ARHGAP6: variants seen among roughly 807,000 people sequenced by gnomAD.
ARHGAP6 encodes the protein rho GTPase-activating protein 6.
Under a neutral mutation model 55.7 loss-of-function variants are expected in ARHGAP6, and 16 were observed. The observed-to-expected ratio is 0.29, with a 90% CI of 0.19 to 0.44. The LOEUF (loss-of-function observed/expected upper bound fraction) is 0.44. Among genes scored for constraint, ARHGAP6 ranks in the 20% least tolerant of loss-of-function variants. The pLI is 1.00. For missense variants in ARHGAP6, 698 were observed against 808.9 expected (o/e 0.86, Z 1.66); for synonymous variants, 382 against 360.9 (o/e 1.06, Z -0.66).
intron 8 of ARHGAP6, among the ~76,000 whole-genome samples, chrX:11,174,684 TTTCA>T (rs1180347308): frequency 2.3e-3 from 149 of 63,836 alleles, no homozygotes; most frequent in African/African-American, 7.0e-3. Context: ...TCTTTCTTTC[TTTCA>T]TTCATTTATT....
At chrX:11,425,093 C>A (rs2049865042) in intron 1 of ARHGAP6, among the ~76,000 whole-genome samples, 1 of 111,959 alleles carries the variant, frequency 8.9e-6, no homozygotes, top group Non-Finnish European at 1.9e-5. Flanking sequence ...AGCCACTGAC[C>A]TCTTATATGC....
At chrX:11,297,966 T>C in intron 1 of ARHGAP6, 1 of 636,405 alleles carries the variant, frequency 1.6e-6, no homozygotes, top group Admixed American at 2.4e-5. Context: ...CCCATAACCT[T>C]ATCTAAAAAG....
chrX:11,335,453 T>C (rs112111950), intron 1 of ARHGAP6, among the ~76,000 whole-genome samples: 5,580 of 111,146 alleles, frequency 0.05, 143 homozygotes, highest in Middle Eastern at 0.097. Flanking sequence ...CTCCCACTTA[T>C]GAGTGAGAAC....
Position 11,179,322 on chromosome X carries a change from G to A in ARHGAP6, c.1460C>T (p.Thr487Ile), listed in dbSNP as rs763421292. Residue 487 changes from threonine to isoleucine, a missense_variant, in exon 7 of 13, where the codon ACA becomes ATA. By Grantham distance (89) the Thr-to-Ile change is moderately conservative. Around this residue, in one of 3 missense-constraint regions of ARHGAP6, gnomAD observed 322 missense variants for 451.1 expected, o/e 0.71. Transcript: ENST00000337414. ...CGCACAGAGAGTGTTGATGAAAGCT[G>A]TGTACAGCTCCCTGGTGAGAAGGGG... ...PDPLLTRELY[T>I]AFINTLLLEP... 8.3e-7 allele frequency: 1 copy of A among 1,207,217 alleles called. No individual in the cohort carries two copies. Among genetic ancestry groups the A allele is most frequent in the South Asian group, 1.8e-5 (1 of 55,669 alleles).
chrX:11,496,015 A>G (rs897825401), intron 1 of ARHGAP6, among the ~76,000 whole-genome samples: 3 of 112,138 alleles, frequency 2.7e-5, no homozygotes, highest in Non-Finnish European at 5.6e-5. Flanking sequence ...AACTAGGGTA[A>G]GCTGGTAAAT....
intron 1 of ARHGAP6, among the ~76,000 whole-genome samples, chrX:11,500,663 CAAA>C (rs995574477): frequency 1.5e-4 from 5 of 33,609 alleles, no homozygotes; most frequent in African/African-American, 4.4e-4. Flanking sequence ...CAGACTCTGT[CAAA>C]AAAAAAAAAA....
rs1298739303 is a variant in ARHGAP6 at position 11,593,279 on chromosome X, C to T, written c.588+70962G>A. Among the ~76,000 whole-genome samples the T allele has an allele frequency of 5.4e-5, 6 of 111,531 alleles. No individual in the cohort carries two copies. In the East Asian group the frequency reaches 1.7e-3, roughly 31 times the overall value. On this transcript the variant is annotated intron_variant, in intron 1 of 12. Coordinates refer to ENST00000337414, the MANE Select transcript of ARHGAP6 (RefSeq NM_013427.3). ...AAGGAGAAATACGACCTTTGGCTCT[C>T]GTAGAGTGGCCTGCACAATTATCTG...
chrX:11,193,867 A>G, intron 3 of ARHGAP6, among the ~76,000 whole-genome samples: 1 of 113,004 alleles, frequency 8.8e-6, no homozygotes, highest in African/African-American at 3.2e-5. Flanking sequence ...AAGCAAACAT[A>G]CATCTCCTTC....
At chrX:11,514,515 AAC>A (rs2050817136) in intron 1 of ARHGAP6, among the ~76,000 whole-genome samples, 1 of 109,622 alleles carries the variant, frequency 9.1e-6, no homozygotes, top group African/African-American at 3.3e-5. Context: ...CACCGTTCCC[AAC>A]ACCCTGCCAG....
At chrX:11,205,023 G>A (rs959709499) in intron 2 of ARHGAP6, among the ~76,000 whole-genome samples, 7 of 110,630 alleles carry the variant, frequency 6.3e-5, no homozygotes, top group East Asian at 2.9e-4. Context: ...GGTATAATAC[G>A]TTGAATGTCC....
chrX:11,572,266 C>G (rs1012871859), intron 1 of ARHGAP6, among the ~76,000 whole-genome samples: 4 of 109,683 alleles, frequency 3.6e-5, no homozygotes, highest in African/African-American at 1.3e-4. Flanking sequence ...TATACATGTG[C>G]CACGCTGGTG....
intron 1 of ARHGAP6, among the ~76,000 whole-genome samples, chrX:11,500,272 A>T (rs1314389682): frequency 9.0e-6 from 1 of 111,077 alleles, no homozygotes. Context: ...CTCCTTATTG[A>T]CTTGCCTACT....
At chrX:11,557,484 A>C (rs1408980761) in intron 1 of ARHGAP6, among the ~76,000 whole-genome samples, 1 of 59,209 alleles carries the variant, frequency 1.7e-5, no homozygotes, top group Non-Finnish European at 3.4e-5. Context: ...TCTGAAAGGC[A>C]AAAAAAAAAA....
At chrX:11,590,460 A>C (rs992072407) in intron 1 of ARHGAP6, among the ~76,000 whole-genome samples, 1 of 51,030 alleles carries the variant, frequency 2.0e-5, no homozygotes, top group African/African-American at 1.2e-4. Flanking sequence ...TTATTAAACA[A>C]AAAAAAAATG....
Position 11,624,279 on chromosome X carries a change from A to C in ARHGAP6, c.588+39962T>G, listed in dbSNP as rs752708157. Among the ~76,000 whole-genome samples, 17 of 112,857 alleles carry C rather than the reference A, an allele frequency of 1.5e-4. No individual in the cohort carries two copies. The South Asian group carries it at 3.3e-3, about 22-fold the overall frequency. ...CCGAAAGTATGAAACTACTAGAAGA[A>C]AACAACAGGGCAAATGCTTCAGGAC... On this transcript the variant is annotated intron_variant, in intron 1 of 12. Coordinates refer to ENST00000337414, the MANE Select transcript of ARHGAP6 (RefSeq NM_013427.3).
chrX:11,328,963 CA>C (rs778235175), intron 1 of ARHGAP6, among the ~76,000 whole-genome samples: 1 of 111,519 alleles, frequency 9.0e-6, no homozygotes. Context: ...CCCAGAGTTA[CA>C]AAAAAATCTA....
intron 1 of ARHGAP6, among the ~76,000 whole-genome samples, chrX:11,312,948 T>C (rs186322207): frequency 1.2e-4 from 13 of 112,186 alleles, no homozygotes; most frequent in African/African-American, 4.2e-4. Context: ...AACCTAGCCA[T>C]CTGCTCTTGT....
At chrX:11,471,701 C>G (rs1257883577) in intron 1 of ARHGAP6, among the ~76,000 whole-genome samples, 1 of 111,736 alleles carries the variant, frequency 8.9e-6, no homozygotes, top group Non-Finnish European at 1.9e-5. Flanking sequence ...TTTCTGTAAT[C>G]TGAAAAAGAT....
In ARHGAP6 at chrX:11,503,855, CACACACAAAGAGACACACAT is replaced by C. The variant is rs1469032655; in HGVS notation, c.588+160366_588+160385del. Reference sequence around the variant, plus strand: ...AAATATCCATTTGCACACACACACACACACACAAAGAGACACACATACACACACACAAACACATGCACACA... The same window carrying C: ...AAATATCCATTTGCACACACACACACACACACACACAAACACATGCACACA... On this transcript the variant is annotated intron_variant, in intron 1 of 12. Transcript: ENST00000337414. Among the ~76,000 whole-genome samples, 764 of 96,533 alleles carry C rather than the reference CACACACAAAGAGACACACAT, an allele frequency of 7.9e-3. 9 individuals carry two copies. The highest frequency in any genetic ancestry group is 0.031 in the African/African-American group (716 of 23,075). 83.8% of individuals were successfully genotyped at this position (96,533 alleles called of 115,157 possible).
Sources: gnomAD v4.1 joint callset for allele counts (sites outside exome capture counted in the v4.1 genomes callset) on GRCh38, gnomAD v4.1.1 for gene constraint, gnomAD v4.1.1 regional missense constraint, MANE v1.5 for transcripts, NCBI Gene and HGNC (gene_info 2026-07-23, HGNC 2026-07-21) for gene names.